SCAI: variants seen among roughly 807,000 people sequenced by gnomAD.
SCAI encodes suppressor of cancer cell invasion, also known as protein SCAI.
A neutral mutation model predicts 92.2 loss-of-function variants in SCAI; 24 were observed. The observed-to-expected ratio is 0.26, with a 90% confidence interval of 0.19 to 0.37. The LOEUF is 0.37. Ranked by LOEUF, SCAI falls within the 10% of genes least tolerant of loss-of-function variation. The pLI, the probability that SCAI is intolerant of heterozygous loss-of-function variation, is 1.00. For missense variants in SCAI, 450 were observed against 736.2 expected (o/e 0.61, Z 4.50); for synonymous variants, 261 against 258.6 (o/e 1.01, Z -0.09).
At chr9:124,996,347 A>G (rs7868030) in intron 13 of SCAI, among the ~76,000 whole-genome samples, 147,598 of 152,220 alleles carry the variant, frequency 0.97, 71,608 homozygotes, top group East Asian at 1. Context: ...TGTCACCAAG[A>G]CTGGAGTACA....
chr9:125,143,004 C>A (rs1835704791), intron 1 of SCAI, among the ~76,000 whole-genome samples: 1 of 150,994 alleles, frequency 6.6e-6, no homozygotes. Flanking sequence ...CCCCGCAAGC[C>A]CCCCTAGCCT....
intron 3 of SCAI, among the ~76,000 whole-genome samples, chr9:125,036,552 T>A (rs1350409713): frequency 2.0e-5 from 3 of 152,230 alleles, no homozygotes; most frequent in African/African-American, 7.2e-5. Flanking sequence ...CAATACTACT[T>A]CATAGTGTAA....
chr9:125,101,367 TAG>T (rs1393813781), intron 2 of SCAI, among the ~76,000 whole-genome samples: 3 of 151,788 alleles, frequency 2.0e-5, no homozygotes, highest in Non-Finnish European at 2.9e-5. Context: ...TTTAAATCAG[TAG>T]AGAGAGTGGA....
chr9:125,065,614 C>T (rs564782029), intron 2 of SCAI, among the ~76,000 whole-genome samples: 8 of 152,290 alleles, frequency 5.3e-5, no homozygotes, highest in African/African-American at 1.9e-4. Context: ...TGATACCAAA[C>T]CCTAACAGGG....
chr9:125,093,723 G>C (rs1019366089), intron 2 of SCAI, among the ~76,000 whole-genome samples: 1 of 151,844 alleles, frequency 6.6e-6, no homozygotes, highest in Admixed American at 6.6e-5. Context: ...ACACTGACAC[G>C]CCTGGCTAAT....
At chr9:125,125,270 C>T (rs1185393378) in intron 2 of SCAI, among the ~76,000 whole-genome samples, 2 of 152,190 alleles carry the variant, frequency 1.3e-5, no homozygotes, top group African/African-American at 4.8e-5. Context: ...CGGTGTCTCA[C>T]GCCTGTAATC....
At chr9:124,953,472 A>G (rs567165215) in intron 17 of SCAI, among the ~76,000 whole-genome samples, 28 of 152,120 alleles carry the variant, frequency 1.8e-4, no homozygotes, top group Admixed American at 4.6e-4. Context: ...ACTAAAATAC[A>G]AAAATTAGCC....
At chr9:125,066,150 C>A (rs958049018) in intron 2 of SCAI, 2 of 607,566 alleles carry the variant, frequency 3.3e-6, no homozygotes, top group Non-Finnish European at 5.9e-6. Flanking sequence ...TCAAAAGAAT[C>A]TATATGTAAT....
At chr9:125,047,066 G>T (rs554087305) in intron 3 of SCAI, among the ~76,000 whole-genome samples, 3 of 152,020 alleles carry the variant, frequency 2.0e-5, no homozygotes, top group African/African-American at 7.3e-5. Context: ...TAAAACCAAG[G>T]GTTATGGGCT....
At chr9:125,048,906 C>T (rs998967191) in intron 3 of SCAI, among the ~76,000 whole-genome samples, 1 of 151,530 alleles carries the variant, frequency 6.6e-6, no homozygotes, top group Admixed American at 6.6e-5. Flanking sequence ...ACACCACGCC[C>T]GGCTAATTTT....
At chr9:124,968,247 G>T in intron 17 of SCAI, 2 of 1,059,498 alleles carry the variant, frequency 1.9e-6, no homozygotes, top group Non-Finnish European at 2.8e-6. Flanking sequence ...AATGAAGCTG[G>T]GGTCTTGGCC....
At chr9:125,027,445 T>C (rs1007691819) in intron 5 of SCAI, among the ~76,000 whole-genome samples, 1 of 152,194 alleles carries the variant, frequency 6.6e-6, no homozygotes, top group Non-Finnish European at 1.5e-5. Flanking sequence ...ATTTTAGTGG[T>C]GGGAATTTGG....
chr9:125,085,112 C>T (rs1834299889), intron 2 of SCAI, among the ~76,000 whole-genome samples: 1 of 152,162 alleles, frequency 6.6e-6, no homozygotes, highest in Admixed American at 6.5e-5. Context: ...AATGTAATTA[C>T]ATTGTAATAA....
chr9:125,055,201 T>C lies in SCAI; in HGVS notation c.230+675A>G, dbSNP rs184838876. 3.3e-5 allele frequency among the ~76,000 whole-genome samples: 5 copies of C among 152,312 alleles called. No individual in the cohort carries two copies. In the East Asian group the frequency reaches 7.7e-4, roughly 23 times the overall value. On this transcript the variant is annotated intron_variant, in intron 3 of 17. Coordinates refer to ENST00000336505, the MANE Select transcript of SCAI (RefSeq NM_001144877.3). ...GTATCTTTACAATCACTCCTTCCTATGTAAATTTTCAAAAATAAAACCTGT... is the reference window on the plus strand; with the variant it reads ...GTATCTTTACAATCACTCCTTCCTACGTAAATTTTCAAAAATAAAACCTGT...
chr9:124,953,672 CAA>C (rs1269057440), intron 17 of SCAI, among the ~76,000 whole-genome samples: 3 of 151,898 alleles, frequency 2.0e-5, no homozygotes, highest in Non-Finnish European at 4.4e-5. Context: ...CTCAGCCTCC[CAA>C]AGTGTTGGGA....
At chr9:125,109,648 T>C (rs1037194880) in intron 2 of SCAI, among the ~76,000 whole-genome samples, 2 of 141,248 alleles carry the variant, frequency 1.4e-5, no homozygotes, top group Non-Finnish European at 3.1e-5. Flanking sequence ...AATCAAGGTT[T>C]CCATTTATCT....
intron 2 of SCAI, among the ~76,000 whole-genome samples, chr9:125,088,315 TGGA>T (rs1043402847): frequency 9.8e-5 from 15 of 152,300 alleles, no homozygotes; most frequent in African/African-American, 3.4e-4. Flanking sequence ...TCCCCAATGT[TGGA>T]GGAGGGGCCT....
chr9:125,026,234 G>T (rs1267732032), intron 6 of SCAI, among the ~76,000 whole-genome samples: 2 of 151,972 alleles, frequency 1.3e-5, no homozygotes, highest in Non-Finnish European at 2.9e-5. Context: ...ATTAGCCGGG[G>T]GTGGTGACAC....
intron 3 of SCAI, among the ~76,000 whole-genome samples, chr9:125,036,046 G>C (rs1833189641): frequency 6.6e-6 from 1 of 152,192 alleles, no homozygotes; most frequent in African/African-American, 2.4e-5. Context: ...GCTACTATGG[G>C]GGCTGAGGCG....
Sources: allele counts gnomAD v4.1 joint callset (sites outside exome capture counted in the v4.1 genomes callset), GRCh38; gene constraint gnomAD v4.1.1; transcripts MANE v1.5; gene names NCBI Gene and HGNC (gene_info 2026-07-23, HGNC 2026-07-21).